Variants in HP1BP3 observed in about 807,000 individuals in gnomAD.
HP1BP3 encodes heterochromatin protein 1-binding protein 3.
In HP1BP3, 12 loss-of-function variants were observed where a neutral mutation model predicts 62.5. That is an observed-to-expected ratio of 0.19 (90% CI 0.12 to 0.31). The LOEUF is 0.31. HP1BP3 is among the 10% of genes least tolerant of loss of function. The pLI, the probability that HP1BP3 is intolerant of heterozygous loss-of-function variation, is 1.00. For missense variants in HP1BP3, 502 were observed against 651.8 expected, an observed-to-expected ratio of 0.77 and a Z score of 2.50; for synonymous variants, 260 against 237.8, an observed-to-expected ratio of 1.09 and a Z score of -0.86.
At position 20,742,164 on chromosome 1, in the gene HP1BP3, G is replaced by A. The variant is rs982092853; in HGVS notation, c.*2633C>T. Reference sequence around the variant, plus strand: ...TATTCAGTAAGTCTCTTTAAAAGCAGTATCATAAAGCAAAGAAACCAACCA... The same window carrying A: ...TATTCAGTAAGTCTCTTTAAAAGCAATATCATAAAGCAAAGAAACCAACCA... On this transcript the variant is annotated 3_prime_UTR_variant, in exon 13 of 13. Transcript: ENST00000438032. Among the ~76,000 whole-genome samples, 2 of 152,200 alleles carry A rather than the reference G, an allele frequency of 1.3e-5. No homozygotes were observed. The highest frequency in any genetic ancestry group is 4.8e-5 in the African/African-American group (2 of 41,454).
chr1:20,749,626 T>C (rs2055585272), intron 10 of HP1BP3, 97 bp downstream of exon 10: 1 of 1,211,462 alleles, frequency 8.3e-7, no homozygotes, highest in Non-Finnish European at 1.2e-6. Context: ...CCCAAAGTGC[T>C]GGGATTACAG....
At chr1:20,765,198 T>A (rs1123942) in intron 8 of HP1BP3, among the ~76,000 whole-genome samples, 179 bp downstream of exon 8, 3,538 of 140,206 alleles carry the variant, frequency 0.025, 65 homozygotes, top group Middle Eastern at 0.044. Context: ...AAAAAAAAAA[T>A]TATACATGGA....
intron 8 of HP1BP3, 90 bp downstream of exon 8, chr1:20,765,287 C>T: frequency 1.3e-6 from 1 of 779,256 alleles, no homozygotes; most frequent in Non-Finnish European, 1.9e-6. Context: ...AGTAATCCTT[C>T]CTCAGTATTT....
intron 3 of HP1BP3, among the ~76,000 whole-genome samples, chr1:20,777,592 G>C (rs1367751131): frequency 3.3e-5 from 5 of 152,048 alleles, no homozygotes; most frequent in Non-Finnish European, 5.9e-5. Flanking sequence ...CCTAGTAGCT[G>C]GGACTACAGG....
At chr1:20,758,866 T>A (rs1273452438) in intron 8 of HP1BP3, among the ~76,000 whole-genome samples, 1 of 150,278 alleles carries the variant, frequency 6.7e-6, no homozygotes, top group East Asian at 2.0e-4. Flanking sequence ...TTGCCCAGCC[T>A]GGTCTCGAAC....
At chr1:20,776,523 C>T (rs551019781) in intron 4 of HP1BP3, 74 bp downstream of exon 4, 2 of 1,347,100 alleles carry the variant, frequency 1.5e-6, no homozygotes, top group African/African-American at 1.5e-5. Flanking sequence ...TGTTATAACA[C>T]TTTAAAACAA....
At chr1:20,760,320 T>C (rs2056393169) in intron 8 of HP1BP3, among the ~76,000 whole-genome samples, 1 of 152,014 alleles carries the variant, frequency 6.6e-6, no homozygotes, top group African/African-American at 2.4e-5. Context: ...GGAGGATCAC[T>C]TGAGGCCAGG....
intron 7 of HP1BP3, among the ~76,000 whole-genome samples, chr1:20,766,569 A>C (rs2056794467): frequency 6.6e-6 from 1 of 152,238 alleles, no homozygotes; most frequent in South Asian, 2.1e-4. Flanking sequence ...TGTTGGGAAG[A>C]AGAATGTTAG....
chr1:20,759,511 C>G (rs2154540236), intron 8 of HP1BP3, among the ~76,000 whole-genome samples: 1 of 152,308 alleles, frequency 6.6e-6, no homozygotes, highest in South Asian at 2.1e-4. Context: ...ATTAAGGGCT[C>G]CTTCTGTCAT....
At chr1:20,771,237 A>G (rs1483266066) in intron 5 of HP1BP3, among the ~76,000 whole-genome samples, 164 bp from the exon 6 acceptor site, 1 of 152,230 alleles carries the variant, frequency 6.6e-6, no homozygotes, top group Non-Finnish European at 1.5e-5. Flanking sequence ...CAGAGAAGTA[A>G]CAGAATTACT....
At chr1:20,748,260 G>A (rs1467766530) in intron 10 of HP1BP3, among the ~76,000 whole-genome samples, 3 of 152,180 alleles carry the variant, frequency 2.0e-5, no homozygotes, top group Non-Finnish European at 4.4e-5. Flanking sequence ...AAGATGAACA[G>A]AACTAATTAT....
At chr1:20,752,727 A>T (rs1316405825) in intron 9 of HP1BP3, among the ~76,000 whole-genome samples, 1 of 152,222 alleles carries the variant, frequency 6.6e-6, no homozygotes, top group Non-Finnish European at 1.5e-5. Context: ...ATGGTTTAAA[A>T]AAAAGAGCAC....
At chr1:20,755,433 A>G (rs1394859374) in intron 9 of HP1BP3, 7 of 446,528 alleles carry the variant, frequency 1.6e-5, no homozygotes, top group South Asian at 3.2e-5. Flanking sequence ...TTAATCAGGC[A>G]TGGTGGTGGT....
chr1:20,759,225 AC>A (rs1212607818), intron 8 of HP1BP3, among the ~76,000 whole-genome samples: 1 of 152,144 alleles, frequency 6.6e-6, no homozygotes, highest in Admixed American at 6.5e-5. Flanking sequence ...ACATGGAGAA[AC>A]CCCATTTGTA....
rs2055076957 is a variant in HP1BP3 at position 20,741,314 on chromosome 1, T to G, written c.*3483A>C. Among the ~76,000 whole-genome samples the G allele has an allele frequency of 6.6e-6, 1 of 152,218 alleles. No homozygotes were observed. Among genetic ancestry groups the G allele is most frequent in the Non-Finnish European group, 1.5e-5 (1 of 68,032 alleles). On this transcript the variant is annotated 3_prime_UTR_variant, in exon 13 of 13. Transcript: ENST00000438032. ...TCAAGATGGCAAGAGGGTCACAGCCTGAGAGAGAATAATTTCACAGGCTCT... is the reference window on the plus strand; with the variant it reads ...TCAAGATGGCAAGAGGGTCACAGCCGGAGAGAGAATAATTTCACAGGCTCT...
At chr1:20,772,335 AT>A (rs1288682031) in intron 5 of HP1BP3, among the ~76,000 whole-genome samples, 1 of 151,478 alleles carries the variant, frequency 6.6e-6, no homozygotes, top group Non-Finnish European at 1.5e-5. Flanking sequence ...TATTGTTTTA[AT>A]TTTTTATTTC....
chr1:20,765,911 T>C (rs2056757741), intron 7 of HP1BP3, among the ~76,000 whole-genome samples: 2 of 146,802 alleles, frequency 1.4e-5, no homozygotes, highest in South Asian at 4.2e-4. Flanking sequence ...ATTGCAGTGA[T>C]GCAAGATGGA....
rs749667562 is a variant in HP1BP3 at position 20,744,972 on chromosome 1, T to C, written c.1487A>G (p.Lys496Arg). ...CGTTTTGGCCTTAGGAGGTGCTTTC[T>C]TAGGCAAGGGCCTAGCTTTCCCCCG... ...AQRGKARPLP[K>R]KAPPKAKTPA... Residue 496 changes from lysine (K) to arginine (R), a missense_variant, in exon 13 of 13, where the codon AAG (lysine) becomes AGG (arginine). Lys to Arg is a conservative substitution (Grantham distance 26). Coordinates refer to ENST00000438032, the MANE Select transcript of HP1BP3 (RefSeq NM_001372052.1). The C allele has an allele frequency of 6.2e-6, 10 of 1,614,072 alleles. No individual in the cohort carries two copies. The highest frequency in any genetic ancestry group is 1.7e-5 in the Admixed American group (1 of 60,000).
At chr1:20,768,049 G>A (rs2056871788) in intron 6 of HP1BP3, among the ~76,000 whole-genome samples, 1 of 151,830 alleles carries the variant, frequency 6.6e-6, no homozygotes, top group South Asian at 2.1e-4. Context: ...AGCCCTCACT[G>A]TCTTAAAAGC....
Sources: allele counts gnomAD v4.1 joint callset (sites outside exome capture counted in the v4.1 genomes callset), GRCh38; gene constraint gnomAD v4.1.1; transcripts MANE v1.5; gene names NCBI Gene and HGNC (gene_info 2026-07-23, HGNC 2026-07-21).